LINGO2: variants seen among roughly 807,000 people sequenced by gnomAD.
The protein encoded by LINGO2 is leucine-rich repeat and immunoglobulin-like domain-containing nogo receptor-interacting protein 2.
In LINGO2, 14 loss-of-function variants were observed where a neutral mutation model predicts 30.6. The observed-to-expected ratio is 0.46, with a 90% CI of 0.30 to 0.72. The LOEUF (loss-of-function observed/expected upper bound fraction) is 0.72. Ranked by LOEUF, LINGO2 falls within the 30% of genes least tolerant of loss-of-function variation. The pLI, the probability that LINGO2 is intolerant of heterozygous loss-of-function variation, is 0.07. For synonymous variants in LINGO2, 317 were observed against 288.5 expected (o/e 1.10, Z -1.00); for missense variants, 729 against 751.7 (o/e 0.97, Z 0.35).
intron 2 of LINGO2, among the ~76,000 whole-genome samples, chr9:28,458,049 T>C (rs1307835627): frequency 2.6e-5 from 4 of 152,118 alleles, no homozygotes; most frequent in East Asian, 1.9e-4. Context: ...TTCTGCTTAA[T>C]AGTATGTAGA....
At chr9:29,109,719 T>A in the LINGO2 span, among the ~76,000 whole-genome samples, 1 of 152,228 alleles carries the variant, frequency 6.6e-6, no homozygotes, top group Admixed American at 6.5e-5. Context: ...CAAATTTGCT[T>A]TTCTGTACCT....
chr9:28,430,102 G>GTA (rs1554720060), intron 2 of LINGO2, among the ~76,000 whole-genome samples: 5,182 of 51,820 alleles, frequency 0.1, 154 homozygotes, highest in Non-Finnish European at 0.16. Flanking sequence ...TTCCACGCGC[G>GTA]CGCGCGCGTG....
chr9:28,051,376 C>T (rs1239185772), intron 4 of LINGO2, among the ~76,000 whole-genome samples: 1 of 152,094 alleles, frequency 6.6e-6, no homozygotes, highest in Non-Finnish European at 1.5e-5. Flanking sequence ...CTTTTGTCTA[C>T]TAAATAGACT....
intron 4 of LINGO2, among the ~76,000 whole-genome samples, chr9:28,051,786 A>G (rs1482094795): frequency 1.3e-5 from 2 of 152,110 alleles, no homozygotes; most frequent in Non-Finnish European, 2.9e-5. Flanking sequence ...GTAAGTTGAT[A>G]TAAACAGATT....
the LINGO2 span, among the ~76,000 whole-genome samples, chr9:28,910,071 T>C: frequency 6.6e-6 from 1 of 152,050 alleles, no homozygotes; most frequent in African/African-American, 2.4e-5. Flanking sequence ...CCTCCTCTAA[T>C]GCTAATTAAA....
intron 1 of LINGO2, among the ~76,000 whole-genome samples, chr9:28,668,536 C>T (rs550213141): frequency 4.6e-5 from 7 of 151,336 alleles, no homozygotes; most frequent in Non-Finnish European, 8.8e-5. Flanking sequence ...ATGTGTTTCA[C>T]TTTCAGCTGA....
chr9:27,939,371 A>C, the LINGO2 span: 1 of 152,224 alleles, frequency 6.6e-6, no homozygotes, highest in Non-Finnish European at 1.5e-5. Flanking sequence ...CCTATATTGA[A>C]ACCAGCCCTG....
chr9:28,945,586 G>A, the LINGO2 span, among the ~76,000 whole-genome samples: 1 of 152,078 alleles, frequency 6.6e-6, no homozygotes, highest in Admixed American at 6.6e-5. Context: ...GCAGTTAGTG[G>A]GGTATACCAG....
chr9:29,046,803 G>C, the LINGO2 span, among the ~76,000 whole-genome samples: 3 of 151,994 alleles, frequency 2.0e-5, no homozygotes, highest in Non-Finnish European at 2.9e-5. Flanking sequence ...AGAGGGCCGG[G>C]CATGGTGGCT....
chr9:27,943,928 A>G (rs924104682), downstream of LINGO2: 2 of 152,212 alleles, frequency 1.3e-5, no homozygotes, highest in Admixed American at 6.5e-5. Context: ...GAGAAGAGGT[A>G]TTAAAGACCT....
intron 1 of LINGO2, among the ~76,000 whole-genome samples, chr9:28,534,337 G>A (rs1205990849): frequency 6.6e-6 from 1 of 151,934 alleles, no homozygotes; most frequent in Non-Finnish European, 1.5e-5. Context: ...CTGTTCTTTT[G>A]GATCCTTAGA....
intron 5 of LINGO2, among the ~76,000 whole-genome samples, chr9:27,983,669 T>G (rs1820990890): frequency 6.6e-6 from 1 of 151,820 alleles, no homozygotes; most frequent in South Asian, 2.1e-4. Flanking sequence ...AAAATCACCA[T>G]TCAAAGTTCA....
chr9:28,081,023 A>G (rs1471013607), intron 4 of LINGO2: 1 of 152,196 alleles, frequency 6.6e-6, no homozygotes, highest in Non-Finnish European at 1.5e-5. Flanking sequence ...AAAGTTTAGA[A>G]CTTCCTTTCC....
intron 1 of LINGO2, among the ~76,000 whole-genome samples, chr9:28,653,829 A>G (rs1828219184): frequency 6.6e-6 from 1 of 152,070 alleles, no homozygotes; most frequent in African/African-American, 2.4e-5. Flanking sequence ...CCCATTTGTT[A>G]AAGATTTTGA....
chr9:28,836,526 G>T, the LINGO2 span, among the ~76,000 whole-genome samples: 1 of 152,060 alleles, frequency 6.6e-6, no homozygotes, highest in Non-Finnish European at 1.5e-5. Flanking sequence ...ATGTTGGTCA[G>T]GCTGGTCTCA....
chr9:27,938,662 AC>A, the LINGO2 span: 2 of 152,172 alleles, frequency 1.3e-5, no homozygotes, highest in African/African-American at 4.8e-5. Flanking sequence ...CTATCTCTAA[AC>A]CACATGATTT....
intron 5 of LINGO2, among the ~76,000 whole-genome samples, chr9:27,981,541 AAAAAAAAAAG>A (rs1820859656): frequency 8.1e-6 from 1 of 123,880 alleles, no homozygotes; most frequent in Non-Finnish European, 1.7e-5. Flanking sequence ...TGGCAAAAAA[AAAAAAAAAAG>A]AAAAAAAAGA....
intron 1 of LINGO2, among the ~76,000 whole-genome samples, chr9:28,483,012 C>T (rs1194157529): frequency 6.6e-6 from 1 of 151,996 alleles, no homozygotes; most frequent in Non-Finnish European, 1.5e-5. Context: ...GTGGTAGTTA[C>T]CTAAATTGCA....
chr9:29,197,133 A>C, the LINGO2 span, among the ~76,000 whole-genome samples: 1 of 152,062 alleles, frequency 6.6e-6, no homozygotes, highest in South Asian at 2.1e-4. Flanking sequence ...TCTGTATGTA[A>C]TAGTAGTCAC....
Sources: allele counts gnomAD v4.1 joint callset (sites outside exome capture counted in the v4.1 genomes callset), GRCh38; gene constraint gnomAD v4.1.1; transcripts MANE v1.5; gene names NCBI Gene and HGNC (gene_info 2026-07-23, HGNC 2026-07-21).